Variants in SLC2A14 observed in about 807,000 individuals in gnomAD.
SLC2A14 encodes solute carrier family 2, facilitated glucose transporter member 14.
Under a neutral mutation model 43.0 loss-of-function variants are expected in SLC2A14, and 13 were observed. The ratio of observed to expected loss-of-function variants is 0.30; its 90% confidence interval spans 0.20 to 0.48. SLC2A14 has a LOEUF of 0.48. SLC2A14 is among the 20% of genes least tolerant of loss of function. SLC2A14 has a pLI of 0.99. For missense variants in SLC2A14, 428 were observed against 620.4 expected, an observed-to-expected ratio of 0.69 and a Z score of 3.29; for synonymous variants, 190 against 233.8, an observed-to-expected ratio of 0.81 and a Z score of 1.71.
At chr12:7,866,275 T>C (rs1341208876) in intron 2 of SLC2A14, among the ~76,000 whole-genome samples, 1 of 151,016 alleles carries the variant, frequency 6.6e-6, no homozygotes, top group African/African-American at 2.4e-5. Flanking sequence ...ATTGCTGATA[T>C]GGAGAAAGTT....
intron 2 of SLC2A14, among the ~76,000 whole-genome samples, chr12:7,864,658 CTT>C (rs1944811772): frequency 6.6e-6 from 1 of 152,066 alleles, no homozygotes; most frequent in African/African-American, 2.4e-5. Flanking sequence ...TGTTAAGTCT[CTT>C]TTACTATAAC....
At chr12:7,880,172 G>A (rs7294666) in intron 1 of SLC2A14, among the ~76,000 whole-genome samples, 80,858 of 150,870 alleles carry the variant, frequency 0.54, 22,112 homozygotes, top group Admixed American at 0.61. Context: ...GTAGTGGAGC[G>A]TGCCTGTAAT....
At chr12:7,887,463 C>A (rs750324914) in intron 1 of SLC2A14, among the ~76,000 whole-genome samples, 4 of 151,958 alleles carry the variant, frequency 2.6e-5, no homozygotes, top group Admixed American at 6.6e-5. Flanking sequence ...TCATACTCTT[C>A]TAGGGTTGCA....
intron 10 of SLC2A14, among the ~76,000 whole-genome samples, chr12:7,816,082 ATTTTTTATTTTTTTTATT>A (rs1195646841): frequency 1.8e-5 from 2 of 108,742 alleles, no homozygotes; most frequent in African/African-American, 4.3e-5. Context: ...TTGAATTTTT[ATTTTTTATTTTTTTTATT>A]TTTTTTATTT....
intron 1 of SLC2A14, among the ~76,000 whole-genome samples, chr12:7,889,657 T>G (rs1945743877): frequency 6.6e-6 from 1 of 150,900 alleles, no homozygotes; most frequent in Non-Finnish European, 1.5e-5. Flanking sequence ...TGCTTCAGCC[T>G]CCCAAGTAGG....
intron 2 of SLC2A14, among the ~76,000 whole-genome samples, chr12:7,844,315 G>C (rs1243884549): frequency 1.3e-5 from 2 of 152,088 alleles, no homozygotes; most frequent in Non-Finnish European, 2.9e-5. Flanking sequence ...TGGTGGTGTT[G>C]GTAGTTCATT....
At chr12:7,833,365 C>T (rs1232100331) in intron 2 of SLC2A14, among the ~76,000 whole-genome samples, 4 of 152,174 alleles carry the variant, frequency 2.6e-5, no homozygotes, top group East Asian at 1.9e-4. Context: ...CTCACTGCAT[C>T]CTGGCCCCAT....
Position 7,829,960 on chromosome 12 carries a change from A to T in SLC2A14, c.319T>A (p.Cys107Ser). The T allele has an allele frequency of 6.2e-7, 1 of 1,614,212 alleles. No individual in the cohort carries two copies. Among genetic ancestry groups the T allele is most frequent in the Non-Finnish European group, 8.5e-7 (1 of 1,180,016 alleles). Residue 107 changes from cysteine to serine, a missense_variant, in exon 5 of 11, where the codon TGC becomes AGC. Physicochemically the swap from Cys to Ser is moderately radical, Grantham distance 112. This residue lies in a region of SLC2A14 where 185 missense variants were observed against 275.4 expected (regional missense o/e 0.67). Coordinates refer to ENST00000431042, the MANE Select transcript of SLC2A14 (RefSeq NM_001286234.2). The part of the protein sequence containing the change: ...IVNLLAATGG[C>S]LMGLCKIAES... ...GCTATTTTACACAGTCCCATAAGGC[A>T]GCCACCAGTGGCAGCCAACAGGTTG...
At chr12:7,849,147 G>A (rs774095745) in intron 2 of SLC2A14, among the ~76,000 whole-genome samples, 12 of 152,236 alleles carry the variant, frequency 7.9e-5, no homozygotes, top group African/African-American at 1.2e-4. Context: ...GAGACACTGC[G>A]CCCGCTTTCA....
Position 7,814,207 on chromosome 12 carries a change from C to T in SLC2A14, c.*109G>A, listed in dbSNP as rs764170122. On this transcript the variant is annotated 3_prime_UTR_variant, in exon 11 of 11. Coordinates refer to ENST00000431042, the MANE Select transcript of SLC2A14 (RefSeq NM_001286234.2). Reference sequence around the variant, plus strand: ...GGAGTGCGTGGGATGAGAAAGAAATCAAGTAGCAGCATTCAGAAGCAGTCC... The same window carrying T: ...GGAGTGCGTGGGATGAGAAAGAAATTAAGTAGCAGCATTCAGAAGCAGTCC... 7.3e-5 allele frequency: 109 copies of T among 1,491,728 alleles called. No homozygotes were observed. The African/African-American group carries it at 1.2e-3, about 17-fold the overall frequency. The allele number at this position is 1,491,728 out of a possible 1,614,324, so 92.4% of individuals were successfully genotyped here. A position where few individuals can be genotyped will look rare whatever the true frequency, so the allele number is the denominator to read the frequency against.
At chr12:7,877,622 A>G (rs1344668621), upstream of SLC2A14, among the ~76,000 whole-genome samples, 1 of 151,500 alleles carries the variant, frequency 6.6e-6, no homozygotes, top group Non-Finnish European at 1.5e-5. Flanking sequence ...GGTGGAGTTC[A>G]CCACGTTGGC....
At chr12:7,827,073 C>CTTTCTTTCTTTCTTTCTT (rs1349948625) in intron 7 of SLC2A14, among the ~76,000 whole-genome samples, 19 of 118,164 alleles carry the variant, frequency 1.6e-4, no homozygotes, top group African/African-American at 6.1e-4. Flanking sequence ...TTCTCTCTCT[C>CTTTCTTTCTTTCTTTCTT]TCTTTCTTTC....
At chr12:7,814,644 T>C (rs867772510) in intron 10 of SLC2A14, 110 bp from the exon 11 acceptor site, 19 of 1,155,748 alleles carry the variant, frequency 1.6e-5, no homozygotes, top group South Asian at 1.6e-5. Flanking sequence ...AACCCTTCCA[T>C]ATTTAATGAA....
At position 7,887,558 on chromosome 12, in the gene SLC2A14, C is replaced by CAGAT. The variant is rs58618647; in HGVS notation, c.132+3434_132+3437dup. ...TTCTAGTGATAGTAGGTAGATAAAT[C>CAGAT]AGATAGATAGATAGATAGATAGATA... On this transcript the variant is annotated intron_variant, in intron 1 of 9. Coordinates refer to the SLC2A14 transcript ENST00000539924. Among the ~76,000 whole-genome samples, 645 of 148,528 alleles carry CAGAT rather than the reference C, an allele frequency of 4.3e-3. 4 individuals carry two copies. The highest frequency in any genetic ancestry group is 6.8e-3 in the Middle Eastern group (2 of 294).
intron 2 of SLC2A14, among the ~76,000 whole-genome samples, chr12:7,834,073 C>G (rs1475109617): frequency 6.6e-6 from 1 of 152,138 alleles, no homozygotes; most frequent in African/African-American, 2.4e-5. Context: ...GTCTCAGTCA[C>G]AACTAAGCAT....
chr12:7,827,474 A>G (rs375385001), intron 7 of SLC2A14, 21 bp downstream of exon 7: 13 of 1,609,388 alleles, frequency 8.1e-6, no homozygotes, highest in African/African-American at 1.3e-5. Context: ...GACACGTTTG[A>G]CCCTAAAGTA....
At chr12:7,831,109 A>G (rs1864981117) in intron 4 of SLC2A14, among the ~76,000 whole-genome samples, 1 of 146,556 alleles carries the variant, frequency 6.8e-6, no homozygotes, top group African/African-American at 2.5e-5. Flanking sequence ...AGGTGACAAG[A>G]GCAAGACTCC....
intron 2 of SLC2A14, among the ~76,000 whole-genome samples, chr12:7,845,033 G>C (rs1455359000): frequency 2.0e-5 from 3 of 152,222 alleles, no homozygotes; most frequent in Admixed American, 2.0e-4. Context: ...TTTAAGGTCA[G>C]AATATTAATA....
At chr12:7,839,476 C>T (rs903033573) in intron 2 of SLC2A14, among the ~76,000 whole-genome samples, 1 of 152,142 alleles carries the variant, frequency 6.6e-6, no homozygotes, top group South Asian at 2.1e-4. Context: ...TCATGCAGGA[C>T]GCTGTAAGCA....
Sources: allele counts gnomAD v4.1 joint callset (sites outside exome capture counted in the v4.1 genomes callset), GRCh38; gene constraint gnomAD v4.1.1; regional missense constraint gnomAD v4.1.1; transcripts MANE v1.5; gene names NCBI Gene and HGNC (gene_info 2026-07-23, HGNC 2026-07-21).